Variants in UST observed in about 807,000 individuals in gnomAD.
UST encodes the protein uronyl 2-sulfotransferase, also known as chondroitin sulfate 2-O-sulfotransferase.
A neutral mutation model predicts 45.6 loss-of-function variants in UST; 21 were observed. The observed-to-expected ratio is 0.46, with a 90% CI of 0.33 to 0.66. The LOEUF is 0.66. UST is among the 30% of genes least tolerant of loss of function. The pLI, the probability that UST is intolerant of heterozygous loss-of-function variation, is 0.02. For missense variants in UST, 463 were observed against 512.4 expected, an observed-to-expected ratio of 0.90 and a Z score of 0.93; for synonymous variants, 215 against 200.6, an observed-to-expected ratio of 1.07 and a Z score of -0.61.
At chr6:148,887,489 C>T (rs1778934913) in intron 2 of UST, among the ~76,000 whole-genome samples, 1 of 152,234 alleles carries the variant, frequency 6.6e-6, no homozygotes, top group African/African-American at 2.4e-5. Flanking sequence ...CCTGGCCTGG[C>T]CTGTGAGTCC....
intron 1 of UST, among the ~76,000 whole-genome samples, chr6:148,855,612 G>T (rs986177040): frequency 2.0e-5 from 3 of 152,190 alleles, no homozygotes; most frequent in African/African-American, 7.2e-5. Flanking sequence ...TCCAAGGAAG[G>T]TGGGGATGAG....
chr6:149,055,602 G>C (rs929991197), intron 7 of UST, among the ~76,000 whole-genome samples: 2 of 151,972 alleles, frequency 1.3e-5, no homozygotes, highest in African/African-American at 4.8e-5. Context: ...GGAACCTAAT[G>C]ATACCTTTGA....
chr6:148,871,114 C>CT, intron 1 of UST, among the ~76,000 whole-genome samples: 4 of 141,256 alleles, frequency 2.8e-5, no homozygotes, highest in Non-Finnish European at 6.1e-5. Context: ...CAAGCATTCT[C>CT]TCCCTCTCTC....
chr6:148,990,242 G>C (rs886818105), intron 5 of UST: 5 of 198,120 alleles, frequency 2.5e-5, no homozygotes, highest in African/African-American at 7.1e-5. Context: ...GTTTATGGTA[G>C]CTTTTTATCG....
Position 148,748,404 on chromosome 6 carries a change from T to TGTGTGG in UST, c.247+732_247+733insGGTGTG, listed in dbSNP as rs1775920823. 5.1e-5 allele frequency among the ~76,000 whole-genome samples: 1 copy of TGTGTGG among 19,542 alleles called. No individual in the cohort carries two copies. The highest frequency in any genetic ancestry group is 1.8e-3 in the South Asian group (1 of 550). 12.8% of individuals were successfully genotyped at this position (19,542 alleles called of 152,430 possible). ...TCTCAAGCTCAAGTCAAAACTTGTG[T>TGTGTGG]GTGTGTGTGTGTGTGTGTGTGTGTG... On this transcript the variant is annotated intron_variant, in intron 1 of 7. Coordinates refer to ENST00000367463, the MANE Select transcript of UST (RefSeq NM_005715.3). The surrounding 1 kb of genome is among the most constrained non-coding windows in gnomAD (Gnocchi z 5.3).
At chr6:148,759,204 C>T (rs914649449) in intron 1 of UST, among the ~76,000 whole-genome samples, 2 of 152,076 alleles carry the variant, frequency 1.3e-5, no homozygotes, top group Non-Finnish European at 2.9e-5. Context: ...ATCTCAGTGG[C>T]CAGGAGAGGG....
chr6:148,774,517 A>G (rs945140931), intron 1 of UST, among the ~76,000 whole-genome samples: 3 of 152,186 alleles, frequency 2.0e-5, no homozygotes, highest in African/African-American at 4.8e-5. Context: ...GGTCACAAGA[A>G]TATTTTTTAA....
At chr6:148,795,687 C>G (rs997562319) in intron 1 of UST, among the ~76,000 whole-genome samples, 1 of 152,124 alleles carries the variant, frequency 6.6e-6, no homozygotes, top group South Asian at 2.1e-4. Context: ...ATGGTTTGTT[C>G]TGCTCTAAAA....
chr6:148,768,428 C>T (rs917889118), intron 1 of UST, among the ~76,000 whole-genome samples: 3 of 151,928 alleles, frequency 2.0e-5, no homozygotes, highest in Non-Finnish European at 4.4e-5. Flanking sequence ...TTTTATTTGT[C>T]CTTTTGTTCT....
intron 7 of UST, among the ~76,000 whole-genome samples, chr6:149,070,325 C>T (rs552829318): frequency 9.2e-5 from 14 of 152,268 alleles, no homozygotes; most frequent in South Asian, 2.1e-4. Context: ...AACAATGACC[C>T]GCCCCAGATT....
chr6:148,873,249 C>T (rs541031251), intron 1 of UST, among the ~76,000 whole-genome samples: 40 of 152,168 alleles, frequency 2.6e-4, no homozygotes, highest in East Asian at 2.1e-3. Flanking sequence ...TGTAGCTAAC[C>T]GGGACCAGGA....
chr6:148,812,891 A>AGT (rs1777286010), intron 1 of UST, among the ~76,000 whole-genome samples: 5 of 152,220 alleles, frequency 3.3e-5, no homozygotes, highest in Admixed American at 3.3e-4. Context: ...GAGCCTGGAT[A>AGT]CTACACATTG....
intron 6 of UST, among the ~76,000 whole-genome samples, chr6:149,020,501 C>T (rs1775962416): frequency 6.6e-6 from 1 of 152,180 alleles, no homozygotes; most frequent in Non-Finnish European, 1.5e-5. Flanking sequence ...ATTTTCTAAT[C>T]TTGGAGAGGT....
At chr6:149,064,780 C>T (rs565409573) in intron 7 of UST, among the ~76,000 whole-genome samples, 2 of 152,244 alleles carry the variant, frequency 1.3e-5, no homozygotes, top group African/African-American at 4.8e-5. Flanking sequence ...TGGCCTCTTT[C>T]ACGGGGGCAG....
chr6:148,836,974 G>A (rs1376630387), intron 1 of UST, among the ~76,000 whole-genome samples: 1 of 152,128 alleles, frequency 6.6e-6, no homozygotes, highest in Non-Finnish European at 1.5e-5. Flanking sequence ...ACAAGAATCA[G>A]GATCATTTTC....
intron 1 of UST, among the ~76,000 whole-genome samples, chr6:148,881,466 G>A (rs1025782199): frequency 6.6e-6 from 1 of 152,144 alleles, no homozygotes; most frequent in African/African-American, 2.4e-5. Flanking sequence ...ACCCATAGAG[G>A]CCTCTGAAAA....
At chr6:148,914,750 A>T (rs1779549350) in intron 2 of UST, among the ~76,000 whole-genome samples, 1 of 152,206 alleles carries the variant, frequency 6.6e-6, no homozygotes. Flanking sequence ...GCCACGGACC[A>T]GTACCAGTCC....
chr6:148,852,946 A>G (rs1778133420), intron 1 of UST, among the ~76,000 whole-genome samples: 1 of 152,044 alleles, frequency 6.6e-6, no homozygotes, highest in Non-Finnish European at 1.5e-5. Flanking sequence ...ATGAATGAGG[A>G]CACTTGTCTT....
At chr6:148,975,552 A>G (rs1189771519) in intron 5 of UST, among the ~76,000 whole-genome samples, 2 of 152,154 alleles carry the variant, frequency 1.3e-5, no homozygotes, top group Admixed American at 6.5e-5. Context: ...AAACACTCCT[A>G]TGTCTTTCTG....
Sources: allele counts gnomAD v4.1 joint callset (sites outside exome capture counted in the v4.1 genomes callset), GRCh38; gene constraint gnomAD v4.1.1; non-coding constraint Gnocchi (gnomAD v3.1); transcripts MANE v1.5; gene names NCBI Gene and HGNC (gene_info 2026-07-23, HGNC 2026-07-21).